NRIP1: variants seen among roughly 807,000 people sequenced by gnomAD.
The protein encoded by NRIP1 is nuclear receptor-interacting protein 1.
A neutral mutation model predicts 75.0 loss-of-function variants in NRIP1; 28 were observed. That is an observed-to-expected ratio of 0.37 (90% CI 0.28 to 0.51). The LOEUF (loss-of-function observed/expected upper bound fraction) is 0.51. Among genes scored for constraint, NRIP1 ranks in the 20% least tolerant of loss-of-function variants. The pLI is 0.92. For synonymous variants in NRIP1, 526 were observed against 487.6 expected (o/e 1.08, Z -1.04); for missense variants, 1,435 against 1,343.7 (o/e 1.07, Z -1.06).
In NRIP1 at chr21:14,967,009, C is replaced by A; in HGVS notation, c.1184G>T (p.Gly395Val). Residue 395 changes from glycine to valine, a missense_variant, in exon 4 of 4, where the codon GGA (glycine) becomes GTA (valine). Coordinates refer to ENST00000318948, the MANE Select transcript of NRIP1 (RefSeq NM_003489.4). ...KSQTIPKPMNGHSHSERGSIF... is the reference protein window; with the variant it reads ...KSQTIPKPMNVHSHSERGSIF... Reference sequence around the variant, plus strand: ...GCTTCCTCTCTCACTGTGACTGTGTCCATTCATTGGCTTAGGTATAGTCTG... The same window carrying A: ...GCTTCCTCTCTCACTGTGACTGTGTACATTCATTGGCTTAGGTATAGTCTG... The A allele has an allele frequency of 6.2e-7, 1 of 1,614,112 alleles. No individual in the cohort carries two copies. Among genetic ancestry groups the A allele is most frequent in the Non-Finnish European group, 8.5e-7 (1 of 1,180,008 alleles).
chr21:15,031,048 T>A (rs4817589), intron 2 of NRIP1, among the ~76,000 whole-genome samples: 87 of 74,436 alleles, frequency 1.2e-3, no homozygotes, highest in South Asian at 2.6e-3. Context: ...CGGTTGGAGG[T>A]TCACTACATT....
chr21:14,964,783 T>G lies in NRIP1; in HGVS notation c.3410A>C (p.His1137Pro). 1 of 1,605,356 alleles carries G rather than the reference T, an allele frequency of 6.2e-7. No individual in the cohort carries two copies. The highest frequency in any genetic ancestry group is 8.5e-7 in the Non-Finnish European group (1 of 1,177,310). Reference sequence around the variant, plus strand: ...TCCATAAACTTCTCCATTTGCGCTGTGTGGGCGAGAAGCATTATTTCCCAT... The same window carrying G: ...TCCATAAACTTCTCCATTTGCGCTGGGTGGGCGAGAAGCATTATTTCCCAT... ...SHMGNNASRPHSANGEVYGLL... is the reference protein window; with the variant it reads ...SHMGNNASRPPSANGEVYGLL... Residue 1137 changes from histidine to proline, a missense_variant, in exon 4 of 4, where the codon CAC becomes CCC. His to Pro is a moderately conservative substitution (Grantham distance 77). Transcript: ENST00000318948.
chr21:15,012,033 CA>C (rs1170712558), intron 3 of NRIP1, among the ~76,000 whole-genome samples: 1 of 151,504 alleles, frequency 6.6e-6, no homozygotes, highest in African/African-American at 2.4e-5. Context: ...AGCTTTCAGT[CA>C]AAAAAAATTA....
chr21:15,006,590 G>C, intron 3 of NRIP1, among the ~76,000 whole-genome samples: 1 of 152,316 alleles, frequency 6.6e-6, no homozygotes, highest in East Asian at 1.9e-4. Context: ...AGTATTTAGT[G>C]TAAGTATTTA....
intron 3 of NRIP1, among the ~76,000 whole-genome samples, chr21:14,994,164 G>A (rs563145721): frequency 3.9e-4 from 59 of 151,956 alleles, no homozygotes; most frequent in African/African-American, 1.2e-3. Context: ...TTGCTCTATC[G>A]CCCAGGCTGG....
chr21:14,965,735 T>C lies in NRIP1; in HGVS notation c.2458A>G (p.Ser820Gly), dbSNP rs1193595675. Residue 820 changes from serine to glycine, a missense_variant, in exon 4 of 4, where the codon AGT becomes GGT. Coordinates refer to ENST00000318948, the MANE Select transcript of NRIP1 (RefSeq NM_003489.4). The part of the protein sequence containing the change: ...DFSFSKNGLL[S>G]RLLRQNQDSY... ...TCTTGATTTTGTCTTAGCAATCGAC[T>C]TAGCAGACCATTCTTGGAGAAAGAA... The C allele has an allele frequency of 6.2e-7, 1 of 1,613,910 alleles. No individual in the cohort carries two copies. Among genetic ancestry groups the C allele is most frequent in the Non-Finnish European group, 8.5e-7 (1 of 1,179,984 alleles).
intron 2 of NRIP1, among the ~76,000 whole-genome samples, chr21:15,035,404 C>T (rs188039035): frequency 1.3e-5 from 2 of 152,186 alleles, no homozygotes; most frequent in Admixed American, 6.5e-5. Context: ...CACATTTATT[C>T]ATTTCATACA....
At chr21:15,024,499 A>G (rs1371393910) in intron 2 of NRIP1, among the ~76,000 whole-genome samples, 1 of 151,986 alleles carries the variant, frequency 6.6e-6, no homozygotes, top group Admixed American at 6.6e-5. Context: ...CTGAGAACGC[A>G]TCACTGCACT....
chr21:15,038,885 G>C (rs1044037807), intron 2 of NRIP1, among the ~76,000 whole-genome samples: 1 of 152,080 alleles, frequency 6.6e-6, no homozygotes, highest in African/African-American at 2.4e-5. Context: ...AGCTTCTTCA[G>C]ATTTATTAGT....
intron 3 of NRIP1, among the ~76,000 whole-genome samples, chr21:15,012,065 T>A (rs1568978701): frequency 6.6e-6 from 1 of 152,178 alleles, no homozygotes; most frequent in Non-Finnish European, 1.5e-5. Flanking sequence ...AAATATAACA[T>A]GAGTGTTTTG....
intron 2 of NRIP1, among the ~76,000 whole-genome samples, chr21:15,025,341 A>T (rs2088491512): frequency 6.6e-6 from 1 of 152,152 alleles, no homozygotes; most frequent in African/African-American, 2.4e-5. Flanking sequence ...ATTGGAATGA[A>T]ATTAGAGATA....
chr21:14,996,325 C>A (rs2087722515), intron 3 of NRIP1, among the ~76,000 whole-genome samples: 1 of 152,126 alleles, frequency 6.6e-6, no homozygotes, highest in Non-Finnish European at 1.5e-5. Flanking sequence ...GTACAGCTCT[C>A]CAGCTACACA....
At chr21:15,000,766 A>G (rs181091842) in intron 3 of NRIP1, among the ~76,000 whole-genome samples, 1 of 152,296 alleles carries the variant, frequency 6.6e-6, no homozygotes, top group East Asian at 1.9e-4. Flanking sequence ...AAAACCCACA[A>G]AACTAGGTGT....
In NRIP1 at chr21:14,966,235, T is replaced by C. The variant is rs1259771486; in HGVS notation, c.1958A>G (p.Gln653Arg). ...MSVEEQRPSKQLLTGNTDKPI... is the reference protein window; with the variant it reads ...MSVEEQRPSKRLLTGNTDKPI... ...TTTATCTGTGTTTCCAGTTAACAGC[T>C]GTTTGCTGGGTCTCTGCTCTTCCAC... Residue 653 changes from glutamine to arginine, a missense_variant, in exon 4 of 4, where the codon CAG becomes CGG. Transcript: ENST00000318948. The C allele has an allele frequency of 6.2e-7, 1 of 1,614,046 alleles. No homozygotes were observed. The highest frequency in any genetic ancestry group is 1.3e-5 in the African/African-American group (1 of 75,044).
chr21:15,052,648 G>A (rs1290797599), intron 1 of NRIP1, among the ~76,000 whole-genome samples: 2 of 152,074 alleles, frequency 1.3e-5, no homozygotes, highest in African/African-American at 2.4e-5. Flanking sequence ...ACAAATTCAC[G>A]CAGCATATCT....
At chr21:15,041,174 A>G (rs914078929) in intron 2 of NRIP1, among the ~76,000 whole-genome samples, 1 of 152,172 alleles carries the variant, frequency 6.6e-6, no homozygotes, top group African/African-American at 2.4e-5. Flanking sequence ...GGGGGAAAAA[A>G]CAAATAACAT....
intron 3 of NRIP1, among the ~76,000 whole-genome samples, chr21:14,984,388 C>T (rs2087333250): frequency 1.4e-5 from 2 of 143,276 alleles, no homozygotes. Flanking sequence ...TTTTTCAACT[C>T]CTGAGCTCAA....
At chr21:14,989,705 C>T (rs1441747738) in intron 3 of NRIP1, among the ~76,000 whole-genome samples, 1 of 152,046 alleles carries the variant, frequency 6.6e-6, no homozygotes, top group Non-Finnish European at 1.5e-5. Context: ...TAAAAGTAGA[C>T]AAATCTTTAT....
Position 14,968,220 on chromosome 21 carries a change from G to C in NRIP1, c.-28C>G. ...TCAATAGAAGTGTTCACAAGGGCTT[G>C]GTTTCTATTCACTTTAAAGAATGGT... On this transcript the variant is annotated 5_prime_UTR_variant, in exon 4 of 4. Transcript: ENST00000318948. The C allele has an allele frequency of 6.6e-7, 1 of 1,505,916 alleles. No homozygotes were observed. Among genetic ancestry groups the C allele is most frequent in the Non-Finnish European group, 9.1e-7 (1 of 1,104,590 alleles). 93.3% of individuals were successfully genotyped at this position (1,505,916 alleles called of 1,614,324 possible). A position where few individuals can be genotyped will look rare whatever the true frequency, so the allele number is the denominator to read the frequency against.
Sources: gnomAD v4.1 joint callset for allele counts (sites outside exome capture counted in the v4.1 genomes callset) on GRCh38, gnomAD v4.1.1 for gene constraint, MANE v1.5 for transcripts, NCBI Gene and HGNC (gene_info 2026-07-23, HGNC 2026-07-21) for gene names.